The following EVL variants were observed in gnomAD, a reference collection of about 807,000 sequenced individuals.
EVL encodes the protein ena/VASP-like protein.
EVL carries 21 observed loss-of-function variants against 59.6 expected under a neutral mutation model. The ratio of observed to expected loss-of-function variants is 0.35; its 90% CI spans 0.25 to 0.51. EVL has a LOEUF of 0.51. EVL is among the 20% of genes least tolerant of loss of function. The pLI is 0.97. For missense variants in EVL, 462 were observed against 546.6 expected, an observed-to-expected ratio of 0.85 and a Z score of 1.54; for synonymous variants, 198 against 203.5, an observed-to-expected ratio of 0.97 and a Z score of 0.23.
At chr14:100,073,490 A>C (rs2062094078) in intron 1 of EVL, among the ~76,000 whole-genome samples, 1 of 151,060 alleles carries the variant, frequency 6.6e-6, no homozygotes, top group South Asian at 2.1e-4. Flanking sequence ...CGTGGCTAAC[A>C]CTTTTTTATT....
intron 1 of EVL, among the ~76,000 whole-genome samples, chr14:100,000,424 T>C (rs2060938982): frequency 6.8e-6 from 1 of 146,102 alleles, no homozygotes; most frequent in Non-Finnish European, 1.5e-5. Flanking sequence ...CTCTGCTCAC[T>C]GCAACTTCCG....
chr14:100,082,850 C>T (rs2062341845), intron 1 of EVL, among the ~76,000 whole-genome samples: 1 of 152,222 alleles, frequency 6.6e-6, no homozygotes, highest in South Asian at 2.1e-4. Context: ...GCTTCCCCCA[C>T]AGAAGAGTCC....
intron 3 of EVL, among the ~76,000 whole-genome samples, chr14:100,103,303 C>T (rs1422932926): frequency 6.6e-6 from 1 of 151,576 alleles, no homozygotes; most frequent in Non-Finnish European, 1.5e-5. Context: ...GAAAGGCACA[C>T]AGCCAAGGAC....
At position 100,127,434 on chromosome 14, in the gene EVL, T is replaced by TG. The variant is rs1179553195; in HGVS notation, c.487+665dup. On this transcript the variant is annotated intron_variant, in intron 5 of 13. Transcript: ENST00000392920. This position sits in a 1 kb window ranked among gnomAD's most constrained non-coding sequence, Gnocchi z 4.2. The stretch of plus-strand genomic sequence containing the variant: ...ACTGATGAGAAACCCGAGCCCCCAC[T>TG]GGTTACAGGAACGCTCTGCTCGTGA... Among the ~76,000 whole-genome samples, 1 of 152,196 alleles carries TG rather than the reference T, an allele frequency of 6.6e-6. No individual in the cohort carries two copies. Among genetic ancestry groups the TG allele is most frequent in the African/African-American group, 2.4e-5 (1 of 41,452 alleles).
chr14:99,997,715 C>T (rs1052195631), intron 1 of EVL, among the ~76,000 whole-genome samples: 7 of 152,138 alleles, frequency 4.6e-5, no homozygotes, highest in African/African-American at 1.2e-4. Context: ...TGGTTGTTTG[C>T]GTTAGAAGGA....
At chr14:99,975,563 G>A (rs1183016977) in intron 1 of EVL, among the ~76,000 whole-genome samples, 1 of 152,156 alleles carries the variant, frequency 6.6e-6, no homozygotes, top group Non-Finnish European at 1.5e-5. Flanking sequence ...GGGTTAGGGG[G>A]GTAGTTTCCA....
At chr14:100,107,612 G>A (rs1886653486) in intron 3 of EVL, 1 of 263,020 alleles carries the variant, frequency 3.8e-6, no homozygotes, top group Non-Finnish European at 7.1e-6. Context: ...GGGCCGAGGT[G>A]CATGGAAAGC....
chr14:100,058,319 TG>T (rs1251895343), intron 1 of EVL, among the ~76,000 whole-genome samples: 1 of 152,214 alleles, frequency 6.6e-6, no homozygotes, highest in African/African-American at 2.4e-5. Flanking sequence ...CAAAGCCAAA[TG>T]CCTTAGGATT....
rs1888165562 is a variant in EVL, at chr14:100,127,688, C to G, written c.488-831C>G. ...CCCTTCACCTAACTGAACCCCTGCT[C>G]TCCGGTCGTGTCCCAGCTCCACAGT... On this transcript the variant is annotated intron_variant, in intron 5 of 13. Coordinates refer to ENST00000392920, the MANE Select transcript of EVL (RefSeq NM_016337.3). The surrounding 1 kb of genome is among the most constrained non-coding windows in gnomAD (Gnocchi z 4.2). Among the ~76,000 whole-genome samples, 1 of 152,198 alleles carries G rather than the reference C, an allele frequency of 6.6e-6. No individual in the cohort carries two copies. The highest frequency in any genetic ancestry group is 2.4e-5 in the African/African-American group (1 of 41,446).
chr14:100,063,642 AAAAC>A (rs1304245961), upstream of EVL, among the ~76,000 whole-genome samples: 4 of 152,230 alleles, frequency 2.6e-5, no homozygotes, highest in South Asian at 2.1e-4. Flanking sequence ...TAATTAGACA[AAAAC>A]AAACAACAGC....
At chr14:100,025,481 C>G (rs989650297) in intron 1 of EVL, among the ~76,000 whole-genome samples, 2 of 152,196 alleles carry the variant, frequency 1.3e-5, no homozygotes, top group African/African-American at 4.8e-5. Context: ...TTTAATATCC[C>G]TCTCCCCACA....
intron 6 of EVL, among the ~76,000 whole-genome samples, chr14:100,129,148 C>G (rs750877313): frequency 1.3e-5 from 2 of 152,208 alleles, no homozygotes; most frequent in Non-Finnish European, 2.9e-5. Context: ...TAGGTCCACC[C>G]GGCTGTTTCT....
At chr14:100,049,100 CAA>C (rs996128233) in intron 1 of EVL, among the ~76,000 whole-genome samples, 6 of 152,142 alleles carry the variant, frequency 3.9e-5, no homozygotes, top group African/African-American at 1.4e-4. Flanking sequence ...GTCTGAGAAA[CAA>C]AAACTCCAGT....
rs1273337634 is a variant in EVL, at chr14:99,972,248, G to T, written c.5+191G>T. Among the ~76,000 whole-genome samples, 2 of 152,054 alleles carry T rather than the reference G, an allele frequency of 1.3e-5. No individual in the cohort carries two copies. The highest frequency in any genetic ancestry group is 2.9e-5 in the Non-Finnish European group (2 of 67,976). ...GAATGGCTTCGCGAGAGCCGTGGGG[G>T]CGTCTGGAGAGCCGGGAGGGTCTGC... On this transcript the variant is annotated intron_variant, in intron 1 of 13. Transcript: ENST00000402714. The surrounding 1 kb of genome is among the most constrained non-coding windows in gnomAD (Gnocchi z 4.4).
At chr14:100,111,409 G>A (rs1208423697) in intron 3 of EVL, among the ~76,000 whole-genome samples, 3 of 151,928 alleles carry the variant, frequency 2.0e-5, no homozygotes, top group African/African-American at 7.3e-5. Context: ...CACCCACCTC[G>A]GCCTCCCAAA....
At chr14:100,084,560 T>C in intron 1 of EVL, 127 bp from the exon 2 acceptor site, 2 of 944,126 alleles carry the variant, frequency 2.1e-6, no homozygotes, top group South Asian at 1.7e-5. Flanking sequence ...TCCATAGATG[T>C]TGGAAGTTCT....
At chr14:99,981,963 T>G (rs2060809681) in intron 1 of EVL, among the ~76,000 whole-genome samples, 1 of 152,180 alleles carries the variant, frequency 6.6e-6, no homozygotes, top group African/African-American at 2.4e-5. Context: ...GTATCGCAAG[T>G]GCTGCAGTAA....
Position 100,110,243 on chromosome 14 carries a change from G to A in EVL, c.358+12585G>A, listed in dbSNP as rs561151918. 6.6e-5 allele frequency among the ~76,000 whole-genome samples: 10 copies of A among 152,238 alleles called. No individual in the cohort carries two copies. In the South Asian group the frequency reaches 1.5e-3, roughly 22 times the overall value. ...TTAAAAATTAGCTAAGTGTGATGGC[G>A]TGTGCCTGTGGTCCCAGCTACTCAG... On this transcript the variant is annotated intron_variant, in intron 3 of 13. Transcript: ENST00000392920.
chr14:100,137,920 G>A, intron 11 of EVL, 118 bp downstream of exon 11: 1 of 1,031,892 alleles, frequency 9.7e-7, no homozygotes, highest in Non-Finnish European at 1.5e-6. Flanking sequence ...AACTTGCTCT[G>A]CGAAGGTGGT....
Sources: gnomAD v4.1 joint callset for allele counts (sites outside exome capture counted in the v4.1 genomes callset) on GRCh38, gnomAD v4.1.1 for gene constraint, Gnocchi (gnomAD v3.1) non-coding constraint, MANE v1.5 for transcripts, NCBI Gene and HGNC (gene_info 2026-07-23, HGNC 2026-07-21) for gene names.